Variants in TMPRSS11A observed in about 807,000 individuals in gnomAD.
TMPRSS11A encodes transmembrane serine protease 11A, also known as transmembrane protease serine 11A.
TMPRSS11A carries 53 observed loss-of-function variants against 58.9 expected under a neutral mutation model. The ratio of observed to expected loss-of-function variants is 0.90; its 90% CI spans 0.72 to 1.13. The LOEUF (loss-of-function observed/expected upper bound fraction) is 1.13, where lower values mean the gene tolerates loss of function less well. Ranked by LOEUF, TMPRSS11A falls within the 50% of genes most tolerant of loss-of-function variation. TMPRSS11A has a pLI of 0.00. For synonymous variants in TMPRSS11A, 167 were observed against 169.8 expected, an observed-to-expected ratio of 0.98 and a Z score of 0.13; for missense variants, 493 against 499.3, an observed-to-expected ratio of 0.99 and a Z score of 0.12.
At chr4:67,919,258 A>C (rs763060348) in intron 7 of TMPRSS11A, 26 bp from the exon 8 acceptor site, 145 of 1,608,112 alleles carry the variant, frequency 9.0e-5, no homozygotes, top group Middle Eastern at 3.5e-4. Flanking sequence ...AATTAACAGA[A>C]TATATATAAG....
chr4:67,924,428 A>C (rs1720412766), intron 5 of TMPRSS11A, among the ~76,000 whole-genome samples: 1 of 152,210 alleles, frequency 6.6e-6, no homozygotes, highest in African/African-American at 2.4e-5. Flanking sequence ...GCCCACAAAT[A>C]GTTTGTATTA....
rs371686921 is a variant in TMPRSS11A, at chr4:67,958,245, G to A, written c.11+5138C>T. ...GAGAACCACCGTCCTCCAGACCCCAGAATGGTAGATTCACCGACAGCTTTC... is the reference window on the plus strand; with the variant it reads ...GAGAACCACCGTCCTCCAGACCCCAAAATGGTAGATTCACCGACAGCTTTC... On this transcript the variant is annotated intron_variant, in intron 1 of 9. Coordinates refer to ENST00000508048, the MANE Select transcript of TMPRSS11A (RefSeq NM_001114387.2). Among the ~76,000 whole-genome samples the A allele has an allele frequency of 3.9e-5, 6 of 152,296 alleles. No individual in the cohort carries two copies. The South Asian group carries it at 1.2e-3, about 32-fold the overall frequency.
chr4:67,931,866 G>T (rs1327418387), intron 4 of TMPRSS11A, 127 bp downstream of exon 4: 3 of 629,362 alleles, frequency 4.8e-6, no homozygotes, highest in Non-Finnish European at 8.6e-6. Context: ...TGCTTTAAAG[G>T]TAATGTTTAT....
At chr4:67,930,649 C>A (rs1372943015) in intron 4 of TMPRSS11A, among the ~76,000 whole-genome samples, 2 of 151,618 alleles carry the variant, frequency 1.3e-5, no homozygotes, top group Non-Finnish European at 2.9e-5. Context: ...TAAACATGCC[C>A]AATTTCTTGA....
At chr4:67,956,007 G>T (rs966464986) in intron 1 of TMPRSS11A, among the ~76,000 whole-genome samples, 2 of 152,154 alleles carry the variant, frequency 1.3e-5, no homozygotes, top group African/African-American at 4.8e-5. Flanking sequence ...AGACTTTGGT[G>T]TCAGTCCTTG....
intron 5 of TMPRSS11A, among the ~76,000 whole-genome samples, chr4:67,926,990 T>C (rs1021505046): frequency 6.6e-6 from 1 of 152,118 alleles, no homozygotes; most frequent in Non-Finnish European, 1.5e-5. Context: ...CAGGGCCTCC[T>C]CTTTGCTAGG....
At chr4:67,952,164 G>A (rs191801521) in intron 1 of TMPRSS11A, among the ~76,000 whole-genome samples, 1 of 152,334 alleles carries the variant, frequency 6.6e-6, no homozygotes, top group African/African-American at 2.4e-5. Flanking sequence ...AAACACTGCT[G>A]TCAGCAGAAT....
intron 1 of TMPRSS11A, among the ~76,000 whole-genome samples, chr4:67,956,477 T>G (rs1006970438): frequency 2.0e-5 from 3 of 152,174 alleles, no homozygotes; most frequent in African/African-American, 2.4e-5. Flanking sequence ...CAGAAACATA[T>G]CTATGAATCT....
intron 3 of TMPRSS11A, among the ~76,000 whole-genome samples, chr4:67,936,646 C>G (rs561032207): frequency 3.3e-5 from 5 of 152,234 alleles, no homozygotes; most frequent in African/African-American, 9.6e-5. Context: ...TTTGATTGCA[C>G]TGGTCCTTCT....
chr4:67,949,404 T>A lies in TMPRSS11A; in HGVS notation c.12-2833A>T, dbSNP rs187418161. ...GGGTGATAAGTTGTTAGAGTGTTTC[T>A]CCTTTTGAGGAAACATTTAGATAAT... On this transcript the variant is annotated intron_variant, in intron 1 of 9. Transcript: ENST00000508048. Among the ~76,000 whole-genome samples the A allele has an allele frequency of 1.3e-4, 20 of 152,342 alleles. No homozygotes were observed. The East Asian group carries it at 3.3e-3, about 25-fold the overall frequency.
rs577293651 is a variant in TMPRSS11A, at chr4:67,940,325, C to T, written c.252+4194G>A. 7.9e-5 allele frequency among the ~76,000 whole-genome samples: 12 copies of T among 152,088 alleles called. No homozygotes were observed. In the South Asian group the frequency reaches 1.0e-3, roughly 13 times the overall value. On this transcript the variant is annotated intron_variant, in intron 3 of 9. Coordinates refer to ENST00000508048, the MANE Select transcript of TMPRSS11A (RefSeq NM_001114387.2). ...GAATTGGTCCTAGCTATTTCTTGTACGTCTGGTAGAATTTGGCTGTGAATC... is the reference window on the plus strand; with the variant it reads ...GAATTGGTCCTAGCTATTTCTTGTATGTCTGGTAGAATTTGGCTGTGAATC...
At chr4:67,931,523 A>G (rs1417288797) in intron 4 of TMPRSS11A, among the ~76,000 whole-genome samples, 9 of 152,216 alleles carry the variant, frequency 5.9e-5, no homozygotes, top group Non-Finnish European at 8.8e-5. Context: ...CAACAGGAAT[A>G]TCTTTTTGTT....
intron 3 of TMPRSS11A, 122 bp from the exon 4 acceptor site, chr4:67,932,182 G>T (rs1720643245): frequency 1.8e-6 from 1 of 549,948 alleles, no homozygotes; most frequent in African/African-American, 1.9e-5. Flanking sequence ...TATTTAAATT[G>T]GTGGATCTCA....
chr4:67,951,592 T>C (rs1721164417), intron 1 of TMPRSS11A, among the ~76,000 whole-genome samples: 1 of 151,862 alleles, frequency 6.6e-6, no homozygotes, highest in African/African-American at 2.4e-5. Context: ...GGGGATATTT[T>C]TTTTTTTTTG....
At chr4:67,924,562 A>C (rs987016828) in intron 5 of TMPRSS11A, among the ~76,000 whole-genome samples, 4 of 152,200 alleles carry the variant, frequency 2.6e-5, no homozygotes, top group Non-Finnish European at 4.4e-5. Flanking sequence ...TGATAAAGAC[A>C]TATCTGAGAC....
chr4:67,946,401 T>C (rs1298518569), intron 2 of TMPRSS11A, 49 bp downstream of exon 2: 2 of 1,543,484 alleles, frequency 1.3e-6, no homozygotes, highest in South Asian at 2.5e-5. Context: ...TAAATGGAGC[T>C]TTGCAGAAAA....
intron 3 of TMPRSS11A, among the ~76,000 whole-genome samples, chr4:67,934,353 C>T (rs1482334911): frequency 6.6e-6 from 1 of 152,112 alleles, no homozygotes; most frequent in Non-Finnish European, 1.5e-5. Context: ...TTTCTAAAGA[C>T]CCTGAAATTG....
chr4:67,945,300 A>G (rs998440892), intron 2 of TMPRSS11A, among the ~76,000 whole-genome samples: 1 of 152,128 alleles, frequency 6.6e-6, no homozygotes, highest in Non-Finnish European at 1.5e-5. Flanking sequence ...TAAGAAAGAT[A>G]CAGAGTTAAA....
At chr4:67,914,541 G>C in intron 9 of TMPRSS11A, 47 bp downstream of exon 9, 1 of 1,562,898 alleles carries the variant, frequency 6.4e-7, no homozygotes, top group South Asian at 1.1e-5. Context: ...TTCTGAGCCA[G>C]ATACAAATTT....
Sources: allele counts gnomAD v4.1 joint callset (sites outside exome capture counted in the v4.1 genomes callset), GRCh38; gene constraint gnomAD v4.1.1; transcripts MANE v1.5; gene names NCBI Gene and HGNC (gene_info 2026-07-23, HGNC 2026-07-21).